CEP135: variants seen among roughly 807,000 people sequenced by gnomAD.
CEP135 encodes the protein centrosomal protein of 135 kDa.
A neutral mutation model predicts 157.3 loss-of-function variants in CEP135; 142 were observed. The observed-to-expected ratio is 0.90, with a 90% confidence interval of 0.79 to 1.04. CEP135 has a LOEUF of 1.04. CEP135 is among the 50% of genes least tolerant of loss of function. The pLI, the probability that CEP135 is intolerant of heterozygous loss-of-function variation, is 0.00. For missense variants in CEP135, 1,317 were observed against 1,309.2 expected, an observed-to-expected ratio of 1.01 and a Z score of -0.09; for synonymous variants, 396 against 439.8, an observed-to-expected ratio of 0.90 and a Z score of 1.25.
chr4:55,987,523 T>C (rs1729628022), intron 14 of CEP135, among the ~76,000 whole-genome samples: 1 of 152,188 alleles, frequency 6.6e-6, no homozygotes, highest in African/African-American at 2.4e-5. Context: ...AGGCAATAAG[T>C]TGGAGCAAAT....
intron 12 of CEP135, 94 bp downstream of exon 12, chr4:55,980,389 G>T: frequency 1.4e-6 from 1 of 699,530 alleles, no homozygotes; most frequent in Non-Finnish European, 2.2e-6. Context: ...TATAATATAT[G>T]GACCTGTGAT....
chr4:55,969,853 C>T (rs1297340138), intron 9 of CEP135, among the ~76,000 whole-genome samples: 2 of 152,052 alleles, frequency 1.3e-5, no homozygotes, highest in Non-Finnish European at 1.5e-5. Flanking sequence ...ACAAAAGGCA[C>T]TCCATCCTCT....
intron 10 of CEP135, 93 bp downstream of exon 10, chr4:55,971,501 A>C (rs558820065): frequency 8.0e-7 from 1 of 1,246,454 alleles, no homozygotes; most frequent in African/African-American, 1.5e-5. Flanking sequence ...TCATTCATTC[A>C]ATAAATATTT....
At position 55,952,275 on chromosome 4, in the gene CEP135, T is replaced by G. The variant is rs747672302; in HGVS notation, c.113+32T>G. On this transcript the variant is annotated intron_variant, in intron 2 of 25. Transcript: ENST00000257287. The stretch of plus-strand genomic sequence containing the variant: ...ACAAAAATACAGTTTTCAACCTTTA[T>G]GATCCCTAACCACTTACCTCATTTC... 9.4e-6 allele frequency: 12 copies of G among 1,279,916 alleles called. No individual in the cohort carries two copies. In the African/African-American group the frequency reaches 1.8e-4, roughly 19 times the overall value. 79.3% of individuals were successfully genotyped at this position (1,279,916 alleles called of 1,614,324 possible).
intron 14 of CEP135, among the ~76,000 whole-genome samples, chr4:55,989,584 A>G (rs1729717829): frequency 6.6e-6 from 1 of 152,340 alleles, no homozygotes; most frequent in South Asian, 2.1e-4. Context: ...CTATAAATTG[A>G]AAAGATAAGC....
At chr4:55,993,478 G>T (rs940299206) in intron 15 of CEP135, among the ~76,000 whole-genome samples, 3 of 152,202 alleles carry the variant, frequency 2.0e-5, no homozygotes, top group Non-Finnish European at 4.4e-5. Flanking sequence ...TCTGACGATA[G>T]TTTTGGTAGG....
Position 55,981,365 on chromosome 4 carries a change from A to C in CEP135, c.1765A>C (p.Arg589=), listed in dbSNP as rs1729402406. The C allele has an allele frequency of 6.3e-7, 1 of 1,577,098 alleles. No homozygotes were observed. Among genetic ancestry groups the C allele is most frequent in the African/African-American group, 1.4e-5 (1 of 72,018 alleles). ...AATTATGGCAGAAAAGGAAGCTTTA[A>C]GAGAAAAATTAGAGGTAAGAAGATT... is the stretch of plus-strand genomic sequence containing the variant. ...RRIMAEKEAL[R]EKLEHIEEVS... The change falls in exon 13 of 26, where the codon AGA becomes CGA. Residue 589 remains arginine (R), a synonymous_variant. Coordinates refer to ENST00000257287, the MANE Select transcript of CEP135 (RefSeq NM_025009.5).
intron 13 of CEP135, among the ~76,000 whole-genome samples, chr4:55,982,622 C>T (rs1224670031): frequency 6.6e-6 from 1 of 152,068 alleles, no homozygotes; most frequent in Non-Finnish European, 1.5e-5. Context: ...ATTGGGTTGT[C>T]TCATTATTAA....
chr4:55,992,153 T>G (rs1251065956), intron 15 of CEP135, 68 bp downstream of exon 15: 18 of 1,488,838 alleles, frequency 1.2e-5, no homozygotes, highest in Non-Finnish European at 1.6e-5. Context: ...AAGTTTATAA[T>G]CATGGCATTT....
At chr4:55,998,784 G>A (rs1730062367) in intron 15 of CEP135, among the ~76,000 whole-genome samples, 2 of 152,148 alleles carry the variant, frequency 1.3e-5, no homozygotes, top group Non-Finnish European at 2.9e-5. Flanking sequence ...AGGATCACCT[G>A]AGCCCAGGAG....
In CEP135 at chr4:55,969,062, G is replaced by C. The variant is rs1023454518; in HGVS notation, c.1045-1G>C. The C allele has an allele frequency of 6.2e-7, 1 of 1,607,064 alleles. No homozygotes were observed. The highest frequency in any genetic ancestry group is 1.3e-5 in the African/African-American group (1 of 74,620). ...ATACCTAATAGGCTTTTTATTCCTA[G>C]AAAGAGATTAAAAGAAAGCTCTCTG... On this transcript the variant is annotated splice_acceptor_variant, in intron 8 of 25. Coordinates refer to ENST00000257287, the MANE Select transcript of CEP135 (RefSeq NM_025009.5). LOFTEE classifies it high-confidence loss of function.
intron 21 of CEP135, among the ~76,000 whole-genome samples, chr4:56,014,726 A>G (rs1730711691): frequency 1.3e-5 from 2 of 152,128 alleles, no homozygotes; most frequent in Admixed American, 6.6e-5. Flanking sequence ...ACTGAAAAGC[A>G]AAAAAGAAAG....
At chr4:56,026,845 G>A (rs1731173886) in intron 25 of CEP135, among the ~76,000 whole-genome samples, 1 of 152,212 alleles carries the variant, frequency 6.6e-6, no homozygotes, top group Admixed American at 6.5e-5. Context: ...GGTAGTGACT[G>A]TGGAAAATGC....
Position 55,952,112 on chromosome 4 carries a change from A to C in CEP135, c.-19A>C, listed in dbSNP as rs755967527. 7.3e-7 allele frequency: 1 copy of C among 1,369,610 alleles called. No homozygotes were observed. Among genetic ancestry groups the C allele is most frequent in the South Asian group, 1.3e-5 (1 of 79,272 alleles). 84.8% of individuals were successfully genotyped at this position (1,369,610 alleles called of 1,614,324 possible). ...ACTTTAATTTTTGGAAGTGAATAAA[A>C]CTTGTTTTAGAAGACGAGATGACTA... On this transcript the variant is annotated 5_prime_UTR_variant, in exon 2 of 26. Transcript: ENST00000257287.
At chr4:55,959,283 T>C (rs1026000936) in intron 5 of CEP135, among the ~76,000 whole-genome samples, 2 of 152,210 alleles carry the variant, frequency 1.3e-5, no homozygotes, top group African/African-American at 4.8e-5. Flanking sequence ...AAAGTAGTAG[T>C]AGACAATACA....
At position 55,999,634 on chromosome 4, in the gene CEP135, C is replaced by G; in HGVS notation, c.2269C>G (p.Leu757Val). The G allele has an allele frequency of 6.3e-7, 1 of 1,589,734 alleles. No homozygotes were observed. The highest frequency in any genetic ancestry group is 8.5e-7 in the Non-Finnish European group (1 of 1,174,452). The change falls in exon 17 of 26, where the codon CTA becomes GTA. Residue 757 changes from leucine to valine, a missense_variant. Leu to Val is a conservative substitution (Grantham distance 32, BLOSUM62 1). Coordinates refer to ENST00000257287, the MANE Select transcript of CEP135 (RefSeq NM_025009.5). ...AAAGATTGCAAATTTGCAAGAAAAC[C>G]TAGCTAATAAAGTATGTGATCGTTT... ...TEKIANLQEN[L>V]ANKEKAVAQM...
At chr4:55,970,783 A>G (rs955114117) in intron 9 of CEP135, among the ~76,000 whole-genome samples, 2 of 152,232 alleles carry the variant, frequency 1.3e-5, no homozygotes, top group African/African-American at 4.8e-5. Flanking sequence ...CGTGGTGGAC[A>G]TGTTGGATAC....
rs557276169 is a variant in CEP135 at position 56,026,931 on chromosome 4, A to G, written c.*11+2317A>G. Among the ~76,000 whole-genome samples, 36 of 152,374 alleles carry G rather than the reference A, an allele frequency of 2.4e-4. No individual in the cohort carries two copies. The Middle Eastern group carries it at 0.01, about 43-fold the overall frequency. ...TCTTTGCCTCTTTTGATAGAAATATATAGAAGATAATTAAACATTTCCTCT... is the reference window on the plus strand; with the variant it reads ...TCTTTGCCTCTTTTGATAGAAATATGTAGAAGATAATTAAACATTTCCTCT... On this transcript the variant is annotated intron_variant, in intron 25 of 25. Transcript: ENST00000257287.
chr4:55,983,651 T>TG (rs1203809728), intron 13 of CEP135, among the ~76,000 whole-genome samples: 24 of 148,990 alleles, frequency 1.6e-4, no homozygotes, highest in Non-Finnish European at 2.8e-4. Context: ...TTTTTTTTTT[T>TG]GAGGGGCAGT....
Sources: gnomAD v4.1 joint callset for allele counts (sites outside exome capture counted in the v4.1 genomes callset) on GRCh38, gnomAD v4.1.1 for gene constraint, MANE v1.5 for transcripts, NCBI Gene and HGNC (gene_info 2026-07-23, HGNC 2026-07-21) for gene names.